The following ELAVL3 variants were observed in gnomAD, a reference collection of about 807,000 sequenced individuals.
The protein encoded by ELAVL3 is ELAV like RNA binding protein 3.
Under a neutral mutation model 34.2 loss-of-function variants are expected in ELAVL3, and 8 were observed. The observed-to-expected ratio is 0.23, with a 90% CI of 0.14 to 0.42. ELAVL3 has a LOEUF of 0.42. ELAVL3 is among the 10% of genes least tolerant of loss of function. The pLI is 1.00. For missense variants in ELAVL3, 273 were observed against 518.8 expected, an observed-to-expected ratio of 0.53 and a Z score of 4.60; for synonymous variants, 209 against 222.1, an observed-to-expected ratio of 0.94 and a Z score of 0.53.
At chr19:11,469,448 T>G (rs1971120848) in intron 1 of ELAVL3, among the ~76,000 whole-genome samples, 1 of 151,966 alleles carries the variant, frequency 6.6e-6, no homozygotes, top group Admixed American at 6.6e-5. Context: ...GCCCGGCTAA[T>G]TTTGTATTTT....
In ELAVL3 at chr19:11,480,969, G is replaced by C; in HGVS notation, c.-361C>G. The C allele has an allele frequency of 4.3e-6, 1 of 232,498 alleles. No homozygotes were observed. Among genetic ancestry groups the C allele is most frequent in the Non-Finnish European group, 8.4e-6 (1 of 119,628 alleles). The allele number at this position is 232,498 out of a possible 1,614,324, so 14.4% of individuals were successfully genotyped here. ...CGCCGCCCCTCGGTCGGTCCTGTCC[G>C]GTCCCGTGTGTTCAAGTCCTCTCCC... On this transcript the variant is annotated 5_prime_UTR_variant, in exon 1 of 7. Transcript: ENST00000359227. The surrounding 1 kb of genome is among the most constrained non-coding windows in gnomAD (Gnocchi z 6.8).
Position 11,452,129 on chromosome 19 carries a change from T to C in ELAVL3, c.*2397A>G, listed in dbSNP as rs1367945450. On this transcript the variant is annotated 3_prime_UTR_variant, in exon 7 of 7. Coordinates refer to ENST00000359227, the MANE Select transcript of ELAVL3 (RefSeq NM_001420.4). ...CAAGACAAGAGCAAAAAGAATCCCA[T>C]TGGTGACCTGGACGTCGCTGGCCGT... 6.6e-6 allele frequency: 1 copy of C among 152,274 alleles called. No individual in the cohort carries two copies. The highest frequency in any genetic ancestry group is 2.1e-4 in the South Asian group (1 of 4,838). 9.4% of individuals were successfully genotyped at this position (152,274 alleles called of 1,614,324 possible).
At chr19:11,460,996 G>A (rs1272078284) in intron 3 of ELAVL3, among the ~76,000 whole-genome samples, 3 of 124,700 alleles carry the variant, frequency 2.4e-5, no homozygotes, top group Non-Finnish European at 4.8e-5. Flanking sequence ...GTCCTCCACC[G>A]CCACAACCTC....
At chr19:11,459,268 G>A (rs183087968) in intron 3 of ELAVL3, among the ~76,000 whole-genome samples, 3 of 151,620 alleles carry the variant, frequency 2.0e-5, no homozygotes, top group Admixed American at 6.6e-5. Context: ...GATTACAGGC[G>A]CCCACCACCA....
At chr19:11,472,160 C>T (rs1023391248) in intron 1 of ELAVL3, among the ~76,000 whole-genome samples, 1 of 151,944 alleles carries the variant, frequency 6.6e-6, no homozygotes, top group African/African-American at 2.4e-5. Context: ...ACCAGCCTGG[C>T]TAACATAGCG....
At chr19:11,462,605 C>T (rs1022727007) in intron 3 of ELAVL3, among the ~76,000 whole-genome samples, 7 of 150,888 alleles carry the variant, frequency 4.6e-5, no homozygotes, top group Non-Finnish European at 8.8e-5. Flanking sequence ...CACTGTAATC[C>T]GGCCTGGGTA....
chr19:11,469,306 G>A (rs2036531786), intron 1 of ELAVL3, among the ~76,000 whole-genome samples: 11 of 152,088 alleles, frequency 7.2e-5, no homozygotes, highest in Admixed American at 7.2e-4. Flanking sequence ...GGGGGACGGA[G>A]TTTCGCTCTT....
intron 3 of ELAVL3, among the ~76,000 whole-genome samples, chr19:11,464,123 G>GTCTCTCTCTGTC (rs1317749325): frequency 0.012 from 1,335 of 110,794 alleles, 52 homozygotes; most frequent in African/African-American, 0.051. Context: ...GTCTCTCTCT[G>GTCTCTCTCTGTC]TCTCTCTCTC....
In ELAVL3 at chr19:11,466,138, G is replaced by T; in HGVS notation, c.333+34C>A. The T allele has an allele frequency of 6.3e-7, 1 of 1,595,104 alleles. No individual in the cohort carries two copies. The highest frequency in any genetic ancestry group is 8.6e-7 in the Non-Finnish European group (1 of 1,163,550). ...GGTTGGGGACAGTCAGTTGGGGTGG[G>T]CGGTCATGGGGGATTGGAGAAGGAG... On this transcript the variant is annotated intron_variant, in intron 3 of 6. Transcript: ENST00000359227. The surrounding 1 kb of genome is among the most constrained non-coding windows in gnomAD (Gnocchi z 5.0).
intron 3 of ELAVL3, among the ~76,000 whole-genome samples, chr19:11,463,164 C>A (rs776658783): frequency 1.3e-5 from 2 of 152,126 alleles, no homozygotes; most frequent in African/African-American, 4.8e-5. Flanking sequence ...GAGGTTTTCA[C>A]AGGCCTTTTC....
At position 11,466,702 on chromosome 19, in the gene ELAVL3, G is replaced by A; in HGVS notation, c.135C>T (p.Tyr45=). The stretch of plus-strand genomic sequence containing the variant: ...CATCCTGGGTCATGTTCTGGGGCAG[G>A]TAGTTGACGATGAGGTTGGTCTTGC... The part of the protein sequence containing the change: ...DDSKTNLIVN[Y]LPQNMTQDEF... Residue 45 remains tyrosine, a synonymous_variant, in exon 2 of 7, where the codon TAC becomes TAT. Transcript: ENST00000359227. This position sits in a 1 kb window ranked among gnomAD's most constrained non-coding sequence, Gnocchi z 5.0. The A allele has an allele frequency of 6.2e-7, 1 of 1,614,202 alleles. No homozygotes were observed.
chr19:11,473,361 T>C (rs1971204241), intron 1 of ELAVL3, among the ~76,000 whole-genome samples: 1 of 151,826 alleles, frequency 6.6e-6, no homozygotes. Flanking sequence ...CGAGACTCCC[T>C]CTCAAAAAAA....
chr19:11,465,866 G>A (rs1041672319), intron 3 of ELAVL3, among the ~76,000 whole-genome samples: 2 of 151,972 alleles, frequency 1.3e-5, no homozygotes, highest in Non-Finnish European at 2.9e-5. Flanking sequence ...GACAAAAGCA[G>A]GGAGGGGACT....
At chr19:11,464,123 G>GTCTCTCTCTCTCTCTCTCTC (rs1165917141) in intron 3 of ELAVL3, among the ~76,000 whole-genome samples, 40 of 110,928 alleles carry the variant, frequency 3.6e-4, no homozygotes, top group African/African-American at 1.6e-3. Flanking sequence ...GTCTCTCTCT[G>GTCTCTCTCTCTCTCTCTCTC]TCTCTCTCTC....
In ELAVL3 at chr19:11,466,994, T is replaced by A. The variant is rs1468486924; in HGVS notation, c.10-167A>T. On this transcript the variant is annotated intron_variant, in intron 1 of 6. Coordinates refer to ENST00000359227, the MANE Select transcript of ELAVL3 (RefSeq NM_001420.4). The surrounding 1 kb of genome is among the most constrained non-coding windows in gnomAD (Gnocchi z 5.0). ...GGGAATAATGATGGGATTCCATATA[T>A]TGGAATAAGCATTGGGGGGAAACAA... is the stretch of plus-strand genomic sequence containing the variant. Among the ~76,000 whole-genome samples the A allele has an allele frequency of 6.6e-6, 1 of 152,148 alleles. No individual in the cohort carries two copies. Among genetic ancestry groups the A allele is most frequent in the African/African-American group, 2.4e-5 (1 of 41,426 alleles).
At chr19:11,464,141 C>T (rs7255266) in intron 3 of ELAVL3, among the ~76,000 whole-genome samples, 3 of 101,640 alleles carry the variant, frequency 3.0e-5, no homozygotes, top group African/African-American at 1.1e-4. Flanking sequence ...CTCTCTCTCT[C>T]TCTCTCTCTC....
chr19:11,462,727 G>C (rs538432556), intron 3 of ELAVL3, among the ~76,000 whole-genome samples: 3 of 149,476 alleles, frequency 2.0e-5, no homozygotes, highest in East Asian at 3.9e-4. Context: ...GGAGGCTTGA[G>C]GGGGGTGGAT....
intron 1 of ELAVL3, among the ~76,000 whole-genome samples, chr19:11,472,580 G>A (rs907673966): frequency 6.7e-6 from 1 of 149,608 alleles, no homozygotes; most frequent in Non-Finnish European, 1.5e-5. Context: ...TTGCACCTGT[G>A]GTCCCAGGTA....
At chr19:11,462,961 CAAAAAA>C (rs1169791063) in intron 3 of ELAVL3, among the ~76,000 whole-genome samples, 1 of 73,062 alleles carries the variant, frequency 1.4e-5, no homozygotes, top group Non-Finnish European at 3.3e-5. Context: ...GACTCCGTCT[CAAAAAA>C]AAAAAAAAAA....
Sources: gnomAD v4.1 joint callset for allele counts (sites outside exome capture counted in the v4.1 genomes callset) on GRCh38, gnomAD v4.1.1 for gene constraint, Gnocchi (gnomAD v3.1) non-coding constraint, MANE v1.5 for transcripts, NCBI Gene and HGNC (gene_info 2026-07-23, HGNC 2026-07-21) for gene names.